Variants in GUCY1A2 observed in about 807,000 individuals in gnomAD.
GUCY1A2 encodes the protein guanylate cyclase 1 soluble subunit alpha 2, also known as guanylate cyclase soluble subunit alpha-2.
GUCY1A2 carries 27 observed loss-of-function variants against 63.5 expected under a neutral mutation model. The observed-to-expected ratio is 0.43, with a 90% CI of 0.31 to 0.59. The LOEUF (loss-of-function observed/expected upper bound fraction) is 0.59, where lower values mean the gene tolerates loss of function less well. Ranked by LOEUF, GUCY1A2 falls within the 20% of genes least tolerant of loss-of-function variation. The pLI is 0.11. For synonymous variants in GUCY1A2, 364 were observed against 343.5 expected (o/e 1.06, Z -0.66); for missense variants, 768 against 913.3 (o/e 0.84, Z 2.05).
intron 1 of GUCY1A2, among the ~76,000 whole-genome samples, chr11:107,000,644 G>T (rs1249148543): frequency 6.6e-6 from 1 of 152,122 alleles, no homozygotes; most frequent in African/African-American, 2.4e-5. Context: ...ATCAATAGTA[G>T]ATTGGTAGAT....
intron 4 of GUCY1A2, among the ~76,000 whole-genome samples, chr11:106,881,323 A>G (rs1326233130): frequency 1.3e-5 from 2 of 152,132 alleles, no homozygotes; most frequent in Non-Finnish European, 2.9e-5. Flanking sequence ...ATAGAACTAA[A>G]GTAGCCTCAA....
intron 5 of GUCY1A2, among the ~76,000 whole-genome samples, chr11:106,788,064 G>C (rs1757762608): frequency 6.6e-6 from 1 of 151,972 alleles, no homozygotes; most frequent in Non-Finnish European, 1.5e-5. Flanking sequence ...CCTGTCTCTT[G>C]GGATAAAAGC....
chr11:106,800,819 A>G (rs943339692), intron 5 of GUCY1A2, among the ~76,000 whole-genome samples: 1 of 151,984 alleles, frequency 6.6e-6, no homozygotes, highest in African/African-American at 2.4e-5. Flanking sequence ...GCACACCAAC[A>G]TGGCATGTAT....
intron 6 of GUCY1A2, among the ~76,000 whole-genome samples, chr11:106,750,872 C>A (rs889264909): frequency 2.0e-5 from 3 of 151,530 alleles, no homozygotes; most frequent in African/African-American, 4.8e-5. Context: ...AGAATAGAAA[C>A]ACACTTGATG....
At chr11:106,902,858 C>T (rs951736) in intron 4 of GUCY1A2, among the ~76,000 whole-genome samples, 3 of 151,956 alleles carry the variant, frequency 2.0e-5, no homozygotes, top group African/African-American at 7.3e-5. Flanking sequence ...GGAGGATGTG[C>T]ATAGGTTATA....
chr11:106,798,953 T>A (rs929364633), intron 5 of GUCY1A2, among the ~76,000 whole-genome samples: 1 of 152,126 alleles, frequency 6.6e-6, no homozygotes, highest in Non-Finnish European at 1.5e-5. Flanking sequence ...GGTATTCAAT[T>A]AGGAAGAGAG....
At position 106,820,498 on chromosome 11, in the gene GUCY1A2, A is replaced by G. The variant is rs1043187716; in HGVS notation, c.1207-10020T>C. On this transcript the variant is annotated intron_variant, in intron 4 of 7. Transcript: ENST00000526355. ...ACTGCAACCTCTCCCTCCCAGGTTC[A>G]AATGATTTTCCTGCCTCAGCCTCCT... Among the ~76,000 whole-genome samples, 4 of 152,304 alleles carry G rather than the reference A, an allele frequency of 2.6e-5. No individual in the cohort carries two copies. In the South Asian group the frequency reaches 6.2e-4, roughly 24 times the overall value.
At chr11:106,932,645 A>C (rs1860618865) in intron 4 of GUCY1A2, among the ~76,000 whole-genome samples, 1 of 152,212 alleles carries the variant, frequency 6.6e-6, no homozygotes, top group Non-Finnish European at 1.5e-5. Context: ...GGAACCAAAA[A>C]AAGAGCCCAA....
intron 4 of GUCY1A2, among the ~76,000 whole-genome samples, chr11:106,851,789 G>A (rs769571409): frequency 7.2e-5 from 11 of 151,862 alleles, no homozygotes; most frequent in Non-Finnish European, 1.2e-4. Context: ...GTGGTGTGAT[G>A]CCTACAGCTT....
At chr11:106,809,939 C>T in intron 5 of GUCY1A2, 54 bp downstream of exon 5, 1 of 1,159,682 alleles carries the variant, frequency 8.6e-7, no homozygotes, top group Non-Finnish European at 1.2e-6. Flanking sequence ...ATTTAATTCA[C>T]ATGACAATTT....
chr11:107,005,372 C>A (rs772015219), intron 1 of GUCY1A2, among the ~76,000 whole-genome samples: 16 of 152,118 alleles, frequency 1.1e-4, no homozygotes, highest in Non-Finnish European at 2.1e-4. Flanking sequence ...CACATGGGCT[C>A]AAGTGATCCT....
At chr11:106,750,689 AC>A (rs915720181) in intron 6 of GUCY1A2, among the ~76,000 whole-genome samples, 15 of 151,948 alleles carry the variant, frequency 9.9e-5, no homozygotes, top group Non-Finnish European at 2.1e-4. Flanking sequence ...TTACCCCATA[AC>A]TAAGGGATTT....
At chr11:106,712,869 G>T (rs1334454827) in intron 6 of GUCY1A2, among the ~76,000 whole-genome samples, 1 of 152,016 alleles carries the variant, frequency 6.6e-6, no homozygotes, top group Non-Finnish European at 1.5e-5. Flanking sequence ...TGATCTTTTG[G>T]GTATCTCCCT....
chr11:106,905,654 T>A (rs374149066), intron 4 of GUCY1A2, among the ~76,000 whole-genome samples: 1 of 152,048 alleles, frequency 6.6e-6, no homozygotes, highest in Non-Finnish European at 1.5e-5. Flanking sequence ...GATACCAGGA[T>A]GGAATCACTC....
intron 6 of GUCY1A2, among the ~76,000 whole-genome samples, chr11:106,764,978 G>GGA (rs1555028455): frequency 3.3e-5 from 3 of 90,826 alleles, no homozygotes; most frequent in East Asian, 4.8e-4. Context: ...TTTGGGGGGG[G>GGA]GTTGGGGGGC....
At chr11:106,991,183 T>G (rs1231391376) in intron 1 of GUCY1A2, among the ~76,000 whole-genome samples, 1 of 151,766 alleles carries the variant, frequency 6.6e-6, no homozygotes, top group Non-Finnish European at 1.5e-5. Flanking sequence ...GTATTTCTAG[T>G]AGAGATGGGG....
intron 4 of GUCY1A2, among the ~76,000 whole-genome samples, chr11:106,813,255 A>T (rs899544729): frequency 6.6e-6 from 1 of 152,050 alleles, no homozygotes; most frequent in Admixed American, 6.6e-5. Context: ...ATTGGCAAGC[A>T]TAACAAAGGG....
At chr11:106,841,060 C>T (rs1305233429) in intron 4 of GUCY1A2, among the ~76,000 whole-genome samples, 1 of 151,882 alleles carries the variant, frequency 6.6e-6, no homozygotes, top group Non-Finnish European at 1.5e-5. Flanking sequence ...CAATACCACA[C>T]TCCCTTTACT....
At chr11:107,008,790 G>T (rs139724126) in intron 1 of GUCY1A2, among the ~76,000 whole-genome samples, 1 of 152,294 alleles carries the variant, frequency 6.6e-6, no homozygotes, top group East Asian at 1.9e-4. Flanking sequence ...ATATATACAC[G>T]TGTGCGTGTG....
Sources: gnomAD v4.1 joint callset for allele counts (sites outside exome capture counted in the v4.1 genomes callset) on GRCh38, gnomAD v4.1.1 for gene constraint, MANE v1.5 for transcripts, NCBI Gene and HGNC (gene_info 2026-07-23, HGNC 2026-07-21) for gene names.